SORCS3: variants seen among roughly 807,000 people sequenced by gnomAD.
SORCS3 encodes the protein VPS10 domain-containing receptor SorCS3.
In SORCS3, 57 loss-of-function variants were observed where a neutral mutation model predicts 146.3. The ratio of observed to expected loss-of-function variants is 0.39; its 90% confidence interval spans 0.31 to 0.49. The LOEUF (loss-of-function observed/expected upper bound fraction) is 0.49. SORCS3 is among the 20% of genes least tolerant of loss of function. The pLI, the probability that SORCS3 is intolerant of heterozygous loss-of-function variation, is 0.92. For missense variants in SORCS3, 1,341 were observed against 1,575.5 expected (o/e 0.85, Z 2.52); for synonymous variants, 653 against 618.5 (o/e 1.06, Z -0.83).
intron 4 of SORCS3, among the ~76,000 whole-genome samples, chr10:105,037,111 C>T (rs2133700237): frequency 6.6e-6 from 1 of 152,280 alleles, no homozygotes; most frequent in Middle Eastern, 3.4e-3. Context: ...TATAAATTCA[C>T]ATTTCTTAGA....
chr10:105,113,826 A>T (rs1202810688), intron 7 of SORCS3, among the ~76,000 whole-genome samples: 2 of 152,152 alleles, frequency 1.3e-5, no homozygotes, highest in Non-Finnish European at 2.9e-5. Context: ...AAAAGAAGCT[A>T]ATCCTTCCCA....
chr10:104,887,098 G>T (rs1438490482), intron 2 of SORCS3, among the ~76,000 whole-genome samples: 2 of 152,206 alleles, frequency 1.3e-5, no homozygotes, highest in African/African-American at 2.4e-5. Flanking sequence ...TTATGATTTA[G>T]TTGGGGAGAC....
At chr10:105,052,662 T>G (rs1258077972) in intron 5 of SORCS3, among the ~76,000 whole-genome samples, 1 of 150,950 alleles carries the variant, frequency 6.6e-6, no homozygotes, top group Admixed American at 6.6e-5. Flanking sequence ...ATGGGGAGAG[T>G]TGAATAGGTT....
At chr10:105,241,175 G>A (rs1332295647) in intron 20 of SORCS3, among the ~76,000 whole-genome samples, 5 of 152,106 alleles carry the variant, frequency 3.3e-5, no homozygotes, top group Admixed American at 6.5e-5. Flanking sequence ...ACAACTGATG[G>A]AGGATTTTTC....
chr10:104,697,754 T>C (rs1348035990), intron 1 of SORCS3, among the ~76,000 whole-genome samples: 1 of 152,174 alleles, frequency 6.6e-6, no homozygotes, highest in Admixed American at 6.6e-5. Flanking sequence ...TGGCCGGTGC[T>C]GAGCCTCCAA....
chr10:104,754,394 GT>G, intron 1 of SORCS3, among the ~76,000 whole-genome samples: 1 of 152,288 alleles, frequency 6.6e-6, no homozygotes, highest in South Asian at 2.1e-4. Flanking sequence ...GTATGGCCAG[GT>G]TTGGGAATCA....
chr10:105,174,843 A>G (rs1002334396), intron 13 of SORCS3, among the ~76,000 whole-genome samples: 1 of 152,012 alleles, frequency 6.6e-6, no homozygotes, highest in Non-Finnish European at 1.5e-5. Context: ...ATCTGGACTT[A>G]GCTTTGCCTT....
At chr10:104,691,807 C>T (rs1000898339) in intron 1 of SORCS3, among the ~76,000 whole-genome samples, 1 of 152,128 alleles carries the variant, frequency 6.6e-6, no homozygotes, top group Admixed American at 6.5e-5. Context: ...GTGGTGTGAT[C>T]ATAGCTCACC....
chr10:104,895,390 A>G (rs2018788349), intron 2 of SORCS3, among the ~76,000 whole-genome samples: 1 of 152,122 alleles, frequency 6.6e-6, no homozygotes, highest in Non-Finnish European at 1.5e-5. Context: ...TCTTTTTGGA[A>G]AGCATGTTGG....
intron 1 of SORCS3, among the ~76,000 whole-genome samples, chr10:104,752,219 A>T (rs1371910803): frequency 9.2e-5 from 14 of 151,524 alleles, no homozygotes; most frequent in Non-Finnish European, 1.5e-5. Context: ...TATTTTTAGT[A>T]GAGATGGGGT....
intron 1 of SORCS3, chr10:104,666,266 T>TC (rs1218427183): frequency 1.3e-5 from 2 of 151,866 alleles, no homozygotes; most frequent in Non-Finnish European, 2.9e-5. Context: ...CCTGTAACAA[T>TC]CCCCCCTTTA....
At chr10:105,218,675 G>A (rs2056679543) in intron 19 of SORCS3, among the ~76,000 whole-genome samples, 2 of 152,200 alleles carry the variant, frequency 1.3e-5, no homozygotes, top group African/African-American at 4.8e-5. Flanking sequence ...TTTGTTAAAT[G>A]TCTACTATTG....
chr10:105,237,613 C>A (rs2056800074), intron 20 of SORCS3, among the ~76,000 whole-genome samples: 1 of 152,114 alleles, frequency 6.6e-6, no homozygotes, highest in Non-Finnish European at 1.5e-5. Flanking sequence ...GTAGTTGATC[C>A]AGTGAGCACT....
intron 20 of SORCS3, among the ~76,000 whole-genome samples, chr10:105,230,566 C>T (rs2056760365): frequency 6.6e-6 from 1 of 152,210 alleles, no homozygotes; most frequent in African/African-American, 2.4e-5. Flanking sequence ...ACTTCACTAA[C>T]CTCCCAGCCC....
At chr10:104,656,528 T>G (rs2015632805) in intron 1 of SORCS3, among the ~76,000 whole-genome samples, 1 of 151,872 alleles carries the variant, frequency 6.6e-6, no homozygotes, top group Admixed American at 6.6e-5. Flanking sequence ...CATGGTGGAA[T>G]GCACTTGTGG....
chr10:104,900,323 T>C (rs1161611081), intron 2 of SORCS3, among the ~76,000 whole-genome samples: 5 of 152,194 alleles, frequency 3.3e-5, no homozygotes, highest in Admixed American at 3.3e-4. Context: ...ACCATGCCAG[T>C]AAACAGATTA....
intron 1 of SORCS3, 100 bp from the exon 2 acceptor site, chr10:104,842,692 G>T: frequency 1.1e-6 from 1 of 870,466 alleles, no homozygotes; most frequent in South Asian, 1.5e-5. Context: ...TCCTCTGGGT[G>T]ATAGGAGATG....
intron 8 of SORCS3, 92 bp downstream of exon 8, chr10:105,139,578 G>A (rs2056081421): frequency 3.1e-6 from 3 of 980,020 alleles, no homozygotes; most frequent in Admixed American, 1.8e-5. Context: ...GGTTTTATCT[G>A]TTTGGAAGGA....
At chr10:105,009,775 C>T (rs2055121900) in intron 4 of SORCS3, among the ~76,000 whole-genome samples, 1 of 150,164 alleles carries the variant, frequency 6.7e-6, no homozygotes, top group African/African-American at 2.5e-5. Flanking sequence ...TTTTCAAAAA[C>T]TGAAGGAAAA....
Sources: gnomAD v4.1 joint callset for allele counts (sites outside exome capture counted in the v4.1 genomes callset) on GRCh38, gnomAD v4.1.1 for gene constraint, MANE v1.5 for transcripts, NCBI Gene and HGNC (gene_info 2026-07-23, HGNC 2026-07-21) for gene names.